Variants in SETD5 observed in about 807,000 individuals in gnomAD.
SETD5 encodes SET domain containing 5, also known as histone-lysine N-methyltransferase SETD5.
Under a neutral mutation model 153.3 loss-of-function variants are expected in SETD5, and 44 were observed. That is an observed-to-expected ratio of 0.29 (90% CI 0.23 to 0.37). SETD5 has a LOEUF of 0.37. Among genes scored for constraint, SETD5 ranks in the 10% least tolerant of loss-of-function variants. The pLI is 1.00. For synonymous variants in SETD5, 716 were observed against 645.2 expected (o/e 1.11, Z -1.66); for missense variants, 1,544 against 1,768.0 (o/e 0.87, Z 2.27).
rs1047415456 is a variant in SETD5 at position 9,440,597 on chromosome 3, C to G, written c.709C>G (p.Leu237Val). The G allele has an allele frequency of 3.7e-6, 6 of 1,613,970 alleles. No homozygotes were observed. Among genetic ancestry groups the G allele is most frequent in the Non-Finnish European group, 5.1e-6 (6 of 1,179,862 alleles). Residue 237 changes from leucine (L) to valine (V), a missense_variant, in exon 8 of 23, where the codon CTA becomes GTA. Leu to Val is a conservative substitution (Grantham distance 32, BLOSUM62 1). Transcript: ENST00000402198. Reference protein sequence around the residue: ...ADVQNALEQHLHSSKEFVGKP... With the variant: ...ADVQNALEQHVHSSKEFVGKP... Reference sequence around the variant, plus strand: ...TGTACAGAACGCGCTTGAACAACACCTACATTCTAGCAAGGAATTTGTGGG... The same window carrying G: ...TGTACAGAACGCGCTTGAACAACACGTACATTCTAGCAAGGAATTTGTGGG...
intron 1 of SETD5, among the ~76,000 whole-genome samples, chr3:9,415,699 C>T (rs2037309843): frequency 6.6e-6 from 1 of 151,962 alleles, no homozygotes; most frequent in Admixed American, 6.6e-5. Context: ...TCGGGATCCT[C>T]CCACCTCAGC....
At chr3:9,409,770 T>C (rs959477838) in intron 1 of SETD5, among the ~76,000 whole-genome samples, 16 of 152,218 alleles carry the variant, frequency 1.1e-4, no homozygotes, top group African/African-American at 3.6e-4. Context: ...TTTAAAAATA[T>C]CACTTGGTAT....
intron 1 of SETD5, among the ~76,000 whole-genome samples, chr3:9,413,234 T>A (rs942504749): frequency 6.6e-6 from 1 of 152,012 alleles, no homozygotes; most frequent in Non-Finnish European, 1.5e-5. Context: ...ATATAATGAG[T>A]TTATACTAAG....
At chr3:9,448,356 T>C in intron 15 of SETD5, 32 bp from the exon 16 acceptor site, 1 of 1,607,918 alleles carries the variant, frequency 6.2e-7, no homozygotes, top group Non-Finnish European at 8.5e-7. Flanking sequence ...TACCTCTTGA[T>C]TTATAAACTA....
In SETD5 at chr3:9,474,508, G is replaced by A. The variant is rs1479414341; in HGVS notation, c.3557G>A (p.Arg1186Gln). 3.7e-6 allele frequency: 6 copies of A among 1,613,668 alleles called. No homozygotes were observed. The highest frequency in any genetic ancestry group is 2.2e-5 in the East Asian group (1 of 44,858). Reference protein sequence around the residue: ...REGGSIPKVLRSSVRVAQKGE... With the variant: ...REGGSIPKVLQSSVRVAQKGE... ...GGAGGGAGCATCCCCAAGGTCCTCCGAAGCAGCGTGAGGGTGGCCCAAAAG... is the reference window on the plus strand; with the variant it reads ...GGAGGGAGCATCCCCAAGGTCCTCCAAAGCAGCGTGAGGGTGGCCCAAAAG... The change falls in exon 21 of 23, where the codon CGA becomes CAA. Residue 1186 changes from arginine to glutamine, a missense_variant. Physicochemically the swap from Arg to Gln is conservative, Grantham distance 43. Coordinates refer to ENST00000402198, the MANE Select transcript of SETD5 (RefSeq NM_001080517.3).
In SETD5 at chr3:9,409,980, C is replaced by T. The variant is rs527363525; in HGVS notation, c.-177+12003C>T. On this transcript the variant is annotated intron_variant, in intron 1 of 22. Transcript: ENST00000402198. ...AAAGTGGCTTTTTGTTTTGTTTTCTCATGTCTTTTTGCCCTTAGGGTATAT... is the reference window on the plus strand; with the variant it reads ...AAAGTGGCTTTTTGTTTTGTTTTCTTATGTCTTTTTGCCCTTAGGGTATAT... 3.9e-5 allele frequency among the ~76,000 whole-genome samples: 6 copies of T among 152,266 alleles called. No homozygotes were observed. The South Asian group carries it at 1.2e-3, about 32-fold the overall frequency.
In SETD5 at chr3:9,473,156, T is replaced by G; in HGVS notation, c.3196-80T>G. 1.3e-5 allele frequency: 19 copies of G among 1,479,896 alleles called. No individual in the cohort carries two copies. The South Asian group carries it at 2.6e-4, about 20-fold the overall frequency. The allele number at this position is 1,479,896 out of a possible 1,614,324, so 91.7% of individuals were successfully genotyped here. On this transcript the variant is annotated intron_variant, in intron 19 of 22. Coordinates refer to ENST00000402198, the MANE Select transcript of SETD5 (RefSeq NM_001080517.3). ...TGGTTTACTAAGGTACCATCTTTCC[T>G]TCTTTCCCTGTTGCTGGTGATCCAC...
intron 1 of SETD5, among the ~76,000 whole-genome samples, chr3:9,416,496 T>C (rs1242700446): frequency 6.6e-6 from 1 of 152,222 alleles, no homozygotes; most frequent in Non-Finnish European, 1.5e-5. Context: ...ACTCGTGTCA[T>C]AAAAATAGTT....
Position 9,428,861 on chromosome 3 carries a change from A to G in SETD5, c.-78A>G. ...CATAACATGTTGGATGAGGCTCTGC[A>G]GCTCACCCCCACTCTCAGAGTGGTC... On this transcript the variant is annotated 5_prime_UTR_variant, in exon 3 of 23. Transcript: ENST00000402198. 1 of 979,844 alleles carries G rather than the reference A, an allele frequency of 1.0e-6. No individual in the cohort carries two copies. Among genetic ancestry groups the G allele is most frequent in the Non-Finnish European group, 1.6e-6 (1 of 639,974 alleles). 60.7% of individuals were successfully genotyped at this position (979,844 alleles called of 1,614,324 possible).
chr3:9,398,230 G>A (rs2034036734), intron 1 of SETD5: 1 of 150,786 alleles, frequency 6.6e-6, no homozygotes, highest in African/African-American at 2.5e-5. Flanking sequence ...TTTTTCCTGG[G>A]TCAGGACGCT....
chr3:9,448,934 C>T (rs980499801), intron 16 of SETD5, among the ~76,000 whole-genome samples: 3 of 152,148 alleles, frequency 2.0e-5, no homozygotes, highest in East Asian at 1.9e-4. Context: ...TGGGTAGAGA[C>T]GGATATGTTT....
At chr3:9,419,206 G>A (rs371157409) in intron 1 of SETD5, among the ~76,000 whole-genome samples, 5 of 152,326 alleles carry the variant, frequency 3.3e-5, no homozygotes, top group African/African-American at 9.6e-5. Flanking sequence ...CAGTTTGCAA[G>A]TTGCCTACCC....
chr3:9,475,239 T>C, intron 22 of SETD5, 83 bp downstream of exon 22: 1 of 1,326,748 alleles, frequency 7.5e-7, no homozygotes, highest in South Asian at 1.3e-5. Context: ...GCCATTGAGA[T>C]GCTGTCTTTG....
At chr3:9,468,687 GGAGGGCGGCCACTCAGTCACAGTAAGTT>G (rs1426401359) in intron 18 of SETD5, 2 of 940,814 alleles carry the variant, frequency 2.1e-6, no homozygotes, top group Non-Finnish European at 1.5e-6. Context: ...GTGATGGGCT[GGAGGGCGGCCACTCAGTCACAGTAAGTT>G]GAATGAGTCT....
At chr3:9,452,019 A>G (rs1340824203) in intron 16 of SETD5, among the ~76,000 whole-genome samples, 1 of 152,166 alleles carries the variant, frequency 6.6e-6, no homozygotes, top group Non-Finnish European at 1.5e-5. Flanking sequence ...TTCCTTTTTT[A>G]TATGAGTCCT....
rs779841795 is a variant in SETD5 at position 9,475,754 on chromosome 3, C to G, written c.3992C>G (p.Thr1331Ser). Residue 1331 changes from threonine to serine, a missense_variant, in exon 23 of 23, where the codon ACT becomes AGT. Coordinates refer to ENST00000402198, the MANE Select transcript of SETD5 (RefSeq NM_001080517.3). ...FSSQPHSGNSTGSNLPRRSCP... is the reference protein window; with the variant it reads ...FSSQPHSGNSSGSNLPRRSCP... Reference sequence around the variant, plus strand: ...AGCCAGCCACATTCTGGAAACAGCACTGGCAGCAATCTTCCAAGGAGGAGC... The same window carrying G: ...AGCCAGCCACATTCTGGAAACAGCAGTGGCAGCAATCTTCCAAGGAGGAGC... The G allele has an allele frequency of 5.0e-6, 8 of 1,613,886 alleles. No individual in the cohort carries two copies. Among genetic ancestry groups the G allele is most frequent in the Non-Finnish European group, 6.8e-6 (8 of 1,179,882 alleles).
intron 1 of SETD5, among the ~76,000 whole-genome samples, chr3:9,398,791 G>A (rs748524708): frequency 6.6e-6 from 1 of 152,246 alleles, no homozygotes; most frequent in Non-Finnish European, 1.5e-5. Context: ...TAAATCGCAT[G>A]AGAGGGAAAG....
intron 1 of SETD5, among the ~76,000 whole-genome samples, chr3:9,416,985 A>G (rs1388176820): frequency 6.6e-6 from 1 of 152,192 alleles, no homozygotes; most frequent in Non-Finnish European, 1.5e-5. Context: ...AGTGTAAACA[A>G]AGTTTTGAAG....
intron 1 of SETD5, among the ~76,000 whole-genome samples, chr3:9,422,541 T>G (rs965658773): frequency 2.0e-5 from 3 of 152,224 alleles, no homozygotes; most frequent in African/African-American, 7.2e-5. Context: ...CATATTTATG[T>G]TATTACTATT....
Sources: gnomAD v4.1 joint callset for allele counts (sites outside exome capture counted in the v4.1 genomes callset) on GRCh38, gnomAD v4.1.1 for gene constraint, MANE v1.5 for transcripts, NCBI Gene and HGNC (gene_info 2026-07-23, HGNC 2026-07-21) for gene names.